The following FAM13A variants were observed in gnomAD, a reference collection of about 807,000 sequenced individuals.
The protein encoded by FAM13A is family with sequence similarity 13 member A, also known as protein FAM13A.
FAM13A carries 76 observed loss-of-function variants against 129.6 expected under a neutral mutation model. That is an observed-to-expected ratio of 0.59 (90% CI 0.49 to 0.71). The LOEUF (loss-of-function observed/expected upper bound fraction) is 0.71, where lower values mean the gene tolerates loss of function less well. FAM13A is among the 30% of genes least tolerant of loss of function. The pLI, the probability that FAM13A is intolerant of heterozygous loss-of-function variation, is 0.00. For missense variants in FAM13A, 1,108 were observed against 1,249.3 expected, an observed-to-expected ratio of 0.89 and a Z score of 1.70; for synonymous variants, 443 against 449.9, an observed-to-expected ratio of 0.98 and a Z score of 0.20.
At chr4:88,819,261 A>G (rs1468031785) in intron 7 of FAM13A, among the ~76,000 whole-genome samples, 1 of 152,214 alleles carries the variant, frequency 6.6e-6, no homozygotes, top group Non-Finnish European at 1.5e-5. Flanking sequence ...CCAACACATG[A>G]AAGCAGATGT....
At chr4:88,870,370 C>A (rs1039188667) in intron 6 of FAM13A, among the ~76,000 whole-genome samples, 4 of 152,212 alleles carry the variant, frequency 2.6e-5, no homozygotes, top group African/African-American at 4.8e-5. Flanking sequence ...GGGGATTTCC[C>A]TTTCCTATCC....
At chr4:88,739,178 A>G (rs1739655836) in intron 19 of FAM13A, 53 bp from the exon 20 acceptor site, 5 of 1,208,810 alleles carry the variant, frequency 4.1e-6, no homozygotes. Flanking sequence ...AGTCACAACC[A>G]GCTGTCTAAG....
chr4:88,917,442 CAT>C (rs1215339709), intron 5 of FAM13A, among the ~76,000 whole-genome samples: 1 of 152,172 alleles, frequency 6.6e-6, no homozygotes, highest in East Asian at 1.9e-4. Flanking sequence ...CAAGTATCCA[CAT>C]GAGATTTTGT....
intron 4 of FAM13A, among the ~76,000 whole-genome samples, chr4:88,940,650 T>C (rs976201353): frequency 6.6e-6 from 1 of 152,184 alleles, no homozygotes; most frequent in Non-Finnish European, 1.5e-5. Flanking sequence ...ATATAGACTT[T>C]TGCTAAAACC....
chr4:89,048,310 C>G (rs1021679194), intron 1 of FAM13A, among the ~76,000 whole-genome samples: 10 of 152,016 alleles, frequency 6.6e-5, no homozygotes, highest in African/African-American at 2.4e-4. Flanking sequence ...AAATGATATG[C>G]TAATACATGC....
chr4:89,002,928 GCA>G (rs920865403), intron 3 of FAM13A, among the ~76,000 whole-genome samples: 2 of 152,060 alleles, frequency 1.3e-5, no homozygotes, highest in Non-Finnish European at 2.9e-5. Flanking sequence ...AATAGGTTTG[GCA>G]GGAAAATAAA....
At chr4:88,993,143 T>C (rs141028807) in intron 3 of FAM13A, among the ~76,000 whole-genome samples, 33 of 152,316 alleles carry the variant, frequency 2.2e-4, no homozygotes, top group African/African-American at 7.5e-4. Flanking sequence ...GTGACCTACG[T>C]TGTGTTGTTT....
Position 88,787,934 on chromosome 4 carries a change from T to C in FAM13A, c.1092-2A>G, listed in dbSNP as rs750634175. On this transcript the variant is annotated splice_acceptor_variant, in intron 9 of 23. Transcript: ENST00000264344. LOFTEE classifies it high-confidence loss of function. ...GATCGGATGGTTCTTTCTAAGAGTC[T>C]GGCAAAAAAGAATGCAGAGTCATTC... 2 of 1,607,092 alleles carry C rather than the reference T, an allele frequency of 1.2e-6. No homozygotes were observed. Among genetic ancestry groups the C allele is most frequent in the East Asian group, 2.2e-5 (1 of 44,718 alleles).
chr4:88,732,360 T>A (rs1738015306), intron 21 of FAM13A, 162 bp from the exon 22 acceptor site: 3 of 492,780 alleles, frequency 6.1e-6, no homozygotes, highest in Middle Eastern at 5.3e-4. Flanking sequence ...TTATTGAACA[T>A]CTGTATTCGA....
At chr4:88,974,773 T>G (rs1037004685) in intron 4 of FAM13A, among the ~76,000 whole-genome samples, 3 of 152,122 alleles carry the variant, frequency 2.0e-5, no homozygotes, top group African/African-American at 7.2e-5. Flanking sequence ...AAGAAAGAGA[T>G]GAAGAGAGCT....
intron 6 of FAM13A, among the ~76,000 whole-genome samples, chr4:88,884,359 T>G (rs1744074507): frequency 6.6e-6 from 1 of 152,134 alleles, no homozygotes; most frequent in Admixed American, 6.5e-5. Flanking sequence ...TGCATGTCAA[T>G]AAATGTGATA....
At chr4:89,002,601 T>C (rs1268862605) in intron 3 of FAM13A, among the ~76,000 whole-genome samples, 1 of 152,202 alleles carries the variant, frequency 6.6e-6, no homozygotes, top group African/African-American at 2.4e-5. Flanking sequence ...ATGACACAGC[T>C]AAATTTCTCA....
chr4:88,838,849 T>C (rs1466007231), intron 7 of FAM13A, among the ~76,000 whole-genome samples: 1 of 152,240 alleles, frequency 6.6e-6, no homozygotes. Flanking sequence ...TCTATGCTCA[T>C]AAACATTGGA....
chr4:88,756,317 T>C (rs533395855), intron 14 of FAM13A, among the ~76,000 whole-genome samples: 32 of 152,348 alleles, frequency 2.1e-4, no homozygotes, highest in Admixed American at 9.1e-4. Context: ...CTACGGAATC[T>C]ATTTATTAGT....
At chr4:88,913,117 GGAAGAA>G (rs1480956887) in intron 5 of FAM13A, among the ~76,000 whole-genome samples, 2 of 141,720 alleles carry the variant, frequency 1.4e-5, no homozygotes, top group Non-Finnish European at 3.1e-5. Flanking sequence ...AAGAGGAAGA[GGAAGAA>G]GAACAGGAGG....
intron 17 of FAM13A, 128 bp downstream of exon 17, chr4:88,748,824 C>G (rs1741930328): frequency 1.3e-6 from 1 of 752,752 alleles, no homozygotes; most frequent in African/African-American, 1.7e-5. Flanking sequence ...CTCTGAATAG[C>G]TGAGAGTGCT....
At chr4:88,860,562 G>T (rs904819633) in intron 6 of FAM13A, among the ~76,000 whole-genome samples, 2 of 152,184 alleles carry the variant, frequency 1.3e-5, no homozygotes, top group African/African-American at 4.8e-5. Context: ...AAGGGATGTT[G>T]CATTGAAAGG....
chr4:88,876,656 A>G (rs1579074847), intron 6 of FAM13A, among the ~76,000 whole-genome samples: 2 of 152,086 alleles, frequency 1.3e-5, no homozygotes, highest in African/African-American at 2.4e-5. Flanking sequence ...CAGTGGCTCA[A>G]TCTCGGCTCA....
rs565805835 is a variant in FAM13A at position 89,013,828 on chromosome 4, A to T, written c.427+6632T>A. Reference sequence around the variant, plus strand: ...TCAAGGTCATTTTGTTCTAACGCTGATGAGAAAAAAATAATCAATTCCCAG... The same window carrying T: ...TCAAGGTCATTTTGTTCTAACGCTGTTGAGAAAAAAATAATCAATTCCCAG... On this transcript the variant is annotated intron_variant, in intron 3 of 23. Coordinates refer to ENST00000264344, the MANE Select transcript of FAM13A (RefSeq NM_014883.4). Among the ~76,000 whole-genome samples the T allele has an allele frequency of 3.9e-5, 6 of 152,330 alleles. No homozygotes were observed. The East Asian group carries it at 9.6e-4, about 24-fold the overall frequency.
Sources: allele counts gnomAD v4.1 joint callset (sites outside exome capture counted in the v4.1 genomes callset), GRCh38; gene constraint gnomAD v4.1.1; transcripts MANE v1.5; gene names NCBI Gene and HGNC (gene_info 2026-07-23, HGNC 2026-07-21).